Variants in MDFIC observed in about 807,000 individuals in gnomAD.
The protein encoded by MDFIC is MyoD family inhibitor domain containing, also known as myoD family inhibitor domain-containing protein.
In MDFIC, 17 loss-of-function variants were observed where a neutral mutation model predicts 23.2. That is an observed-to-expected ratio of 0.73 (90% CI 0.50 to 1.10). MDFIC has a LOEUF of 1.10. Among genes scored for constraint, MDFIC ranks in the 50% least tolerant of loss-of-function variants. The pLI is 0.00. For missense variants in MDFIC, 356 were observed against 316.6 expected (o/e 1.12, Z -0.95); for synonymous variants, 120 against 115.2 (o/e 1.04, Z -0.27).
At chr7:114,997,427 C>T (rs894339675) in intron 4 of MDFIC, among the ~76,000 whole-genome samples, 5 of 148,260 alleles carry the variant, frequency 3.4e-5, no homozygotes, top group East Asian at 2.0e-4. Context: ...TGTGTGTGTG[C>T]GCGCGTGTGT....
Position 114,942,328 on chromosome 7 carries a change from C to A in MDFIC, c.148C>A (p.His50Asn). ...EKDITQATNS[H>N]FTHGEMQDQS... The stretch of plus-strand genomic sequence containing the variant: ...AGATATAACTCAAGCTACCAATAGC[C>A]ACTTCACACATGGAGAGATGCAAGA... Residue 50 changes from histidine to asparagine, a missense_variant, in exon 3 of 5, where the codon CAC (histidine) becomes AAC (asparagine). Transcript: ENST00000393486. 1 of 1,599,564 alleles carries A rather than the reference C, an allele frequency of 6.3e-7. No individual in the cohort carries two copies. Among genetic ancestry groups the A allele is most frequent in the Admixed American group, 1.7e-5 (1 of 59,594 alleles).
intron 4 of MDFIC, among the ~76,000 whole-genome samples, chr7:114,982,240 C>T (rs1793429975): frequency 6.6e-6 from 1 of 152,148 alleles, no homozygotes; most frequent in South Asian, 2.1e-4. Context: ...ACCTGAATTT[C>T]AGGAGGCCCA....
At chr7:114,962,616 T>G (rs1372931732) in intron 3 of MDFIC, among the ~76,000 whole-genome samples, 1 of 152,208 alleles carries the variant, frequency 6.6e-6, no homozygotes, top group South Asian at 2.1e-4. Context: ...CTGTTTTTTT[T>G]GAACCACACA....
intron 3 of MDFIC, among the ~76,000 whole-genome samples, chr7:114,954,173 A>G (rs914806310): frequency 6.6e-6 from 1 of 152,190 alleles, no homozygotes; most frequent in East Asian, 1.9e-4. Flanking sequence ...CTTTTTTATT[A>G]TGGAGATCTG....
intron 3 of MDFIC, among the ~76,000 whole-genome samples, chr7:114,967,684 A>C (rs1793126753): frequency 6.6e-6 from 1 of 152,158 alleles, no homozygotes; most frequent in Admixed American, 6.5e-5. Flanking sequence ...TATATAAAAA[A>C]AAATTTATAA....
rs1791823305 is a variant in MDFIC at position 115,017,878 on chromosome 7, AC to A, written c.*1945del. On this transcript the variant is annotated 3_prime_UTR_variant, in exon 5 of 5. Coordinates refer to ENST00000393486, the MANE Select transcript of MDFIC (RefSeq NM_001166345.3). The stretch of plus-strand genomic sequence containing the variant: ...CATAATTTTAGGAAGGCTTTCGCAA[AC>A]CTAGCCTTTTAAGAGAGGTTTTTAA... 6.6e-6 allele frequency: 1 copy of A among 152,058 alleles called. No individual in the cohort carries two copies. The highest frequency in any genetic ancestry group is 6.5e-5 in the Admixed American group (1 of 15,280). The allele number at this position is 152,058 out of a possible 1,614,324, so 9.4% of individuals were successfully genotyped here.
At chr7:114,946,404 T>G (rs1792646327) in intron 3 of MDFIC, among the ~76,000 whole-genome samples, 1 of 152,210 alleles carries the variant, frequency 6.6e-6, no homozygotes, top group South Asian at 2.1e-4. Flanking sequence ...TTTTTCTAGG[T>G]CTTTCTGAAA....
chr7:114,975,269 A>G (rs1793288800), intron 3 of MDFIC, among the ~76,000 whole-genome samples: 1 of 152,102 alleles, frequency 6.6e-6, no homozygotes, highest in Non-Finnish European at 1.5e-5. Context: ...TCGTGAACAT[A>G]CAGGCAAAAA....
intron 3 of MDFIC, among the ~76,000 whole-genome samples, chr7:114,944,863 G>T (rs1470778588): frequency 6.6e-6 from 1 of 152,216 alleles, no homozygotes; most frequent in African/African-American, 2.4e-5. Flanking sequence ...TCCGATTCCA[G>T]GAGTCCTGTG....
At chr7:114,947,296 A>G (rs371754349) in intron 3 of MDFIC, among the ~76,000 whole-genome samples, 5 of 152,118 alleles carry the variant, frequency 3.3e-5, no homozygotes, top group African/African-American at 1.2e-4. Context: ...GCCTTGCTCA[A>G]TGTCTTTTCC....
intron 3 of MDFIC, among the ~76,000 whole-genome samples, chr7:114,945,804 T>G (rs1329368225): frequency 6.6e-6 from 1 of 152,212 alleles, no homozygotes; most frequent in African/African-American, 2.4e-5. Flanking sequence ...AAAAAGTTTA[T>G]AATTGGAAAT....
chr7:114,939,714 G>A (rs1792500854), intron 2 of MDFIC, among the ~76,000 whole-genome samples: 1 of 152,158 alleles, frequency 6.6e-6, no homozygotes, highest in African/African-American at 2.4e-5. Flanking sequence ...TCAAATATGA[G>A]TCAAGTGTGT....
chr7:114,962,326 TG>T (rs1293278287), intron 3 of MDFIC, among the ~76,000 whole-genome samples: 12 of 152,324 alleles, frequency 7.9e-5, no homozygotes. Flanking sequence ...AATGAGAATA[TG>T]TAGTAACCAC....
At chr7:114,956,538 G>A (rs930852528) in intron 3 of MDFIC, among the ~76,000 whole-genome samples, 25 of 152,088 alleles carry the variant, frequency 1.6e-4, no homozygotes, top group Non-Finnish European at 3.2e-4. Context: ...CGGTAAATAT[G>A]CATTTTCCTT....
intron 2 of MDFIC, among the ~76,000 whole-genome samples, chr7:114,940,897 A>G (rs1014394937): frequency 6.6e-6 from 1 of 152,172 alleles, no homozygotes; most frequent in African/African-American, 2.4e-5. Flanking sequence ...ACCTCTAGTT[A>G]GTTTCTCACA....
chr7:114,922,719 G>A lies in MDFIC; in HGVS notation c.-108+83G>A, dbSNP rs189773006. 8.8e-6 allele frequency: 12 copies of A among 1,366,990 alleles called. No homozygotes were observed. The African/African-American group carries it at 1.5e-4, about 17-fold the overall frequency. 84.7% of individuals were successfully genotyped at this position (1,366,990 alleles called of 1,614,324 possible). ...CTCCCAAACCCGATCTCTCTTTCCA[G>A]CCCCTCCCCGCTGGGTCCACCTCGG... On this transcript the variant is annotated intron_variant, in intron 1 of 4. Coordinates refer to ENST00000393486, the MANE Select transcript of MDFIC (RefSeq NM_001166345.3).
rs965898339 is a variant in MDFIC at position 115,017,913 on chromosome 7, A to G, written c.*1978A>G. 1.4e-4 allele frequency: 21 copies of G among 152,070 alleles called. No individual in the cohort carries two copies. Among genetic ancestry groups the G allele is most frequent in the Admixed American group, 1.3e-3 (20 of 15,272 alleles). The allele number at this position is 152,070 out of a possible 1,614,324, so 9.4% of individuals were successfully genotyped here. On this transcript the variant is annotated 3_prime_UTR_variant, in exon 5 of 5. Transcript: ENST00000393486. ...TTAAGAGAGGTTTTTAACCTGAAGC[A>G]TGAGAATATATCACCTGTGGTTTTT...
intron 3 of MDFIC, among the ~76,000 whole-genome samples, chr7:114,954,080 T>G (rs1490638878): frequency 6.6e-6 from 1 of 152,216 alleles, no homozygotes; most frequent in Non-Finnish European, 1.5e-5. Context: ...TTCATTTCTT[T>G]GAAATCACAT....
At chr7:114,975,449 T>G (rs1793292045) in intron 3 of MDFIC, among the ~76,000 whole-genome samples, 1 of 152,024 alleles carries the variant, frequency 6.6e-6, no homozygotes. Flanking sequence ...ATGTAAAGAT[T>G]TGAAAAAAGA....
Sources: gnomAD v4.1 joint callset for allele counts (sites outside exome capture counted in the v4.1 genomes callset) on GRCh38, gnomAD v4.1.1 for gene constraint, MANE v1.5 for transcripts, NCBI Gene and HGNC (gene_info 2026-07-23, HGNC 2026-07-21) for gene names.